The following DIAPH2 variants were observed in gnomAD, a reference collection of about 807,000 sequenced individuals.
DIAPH2 encodes protein diaphanous homolog 2.
A neutral mutation model predicts 92.7 loss-of-function variants in DIAPH2; 35 were observed. The ratio of observed to expected loss-of-function variants is 0.38; its 90% CI spans 0.29 to 0.50. The LOEUF (loss-of-function observed/expected upper bound fraction) is 0.50, where lower values mean the gene tolerates loss of function less well. Ranked by LOEUF, DIAPH2 falls within the 20% of genes least tolerant of loss-of-function variation. DIAPH2 has a pLI of 0.94. For synonymous variants in DIAPH2, 301 were observed against 280.4 expected, an observed-to-expected ratio of 1.07 and a Z score of -0.73; for missense variants, 701 against 819.5, an observed-to-expected ratio of 0.86 and a Z score of 1.77.
chrX:97,291,595 C>T (rs1189362665), intron 23 of DIAPH2, among the ~76,000 whole-genome samples: 1 of 107,495 alleles, frequency 9.3e-6, no homozygotes, highest in Non-Finnish European at 1.9e-5. Flanking sequence ...TGCAGTGGCG[C>T]GTTCTGGGCT....
rs1331364432 is a variant in DIAPH2 at position 97,369,035 on chromosome X, G to A, written c.3010-14874G>A. On this transcript the variant is annotated intron_variant, in intron 24 of 26. Coordinates refer to ENST00000324765, the MANE Select transcript of DIAPH2 (RefSeq NM_006729.5). ...CGATACTCCTGCCTTAGCCTCCCGA[G>A]CAGCTGGGATTACAGGCATGCACAA... Among the ~76,000 whole-genome samples, 9 of 104,769 alleles carry A rather than the reference G, an allele frequency of 8.6e-5. No individual in the cohort carries two copies. In the Admixed American group the frequency reaches 9.8e-4, roughly 11 times the overall value. The allele number at this position is 104,769 out of a possible 115,157, so 91.0% of individuals were successfully genotyped here.
chrX:96,768,325 A>G lies in DIAPH2; in HGVS notation c.447+10067A>G, dbSNP rs367770059. On this transcript the variant is annotated intron_variant, in intron 4 of 26. Coordinates refer to ENST00000324765, the MANE Select transcript of DIAPH2 (RefSeq NM_006729.5). The stretch of plus-strand genomic sequence containing the variant: ...TTGGGAAAGCATTTGTCTCGTCATC[A>G]GAAGAGTCTGAGTTTGAATCCTGAT... Among the ~76,000 whole-genome samples, 16 of 112,156 alleles carry G rather than the reference A, an allele frequency of 1.4e-4. No homozygotes were observed. In the East Asian group the frequency reaches 3.9e-3, roughly 27 times the overall value.
intron 24 of DIAPH2, among the ~76,000 whole-genome samples, chrX:97,373,732 G>A (rs988303953): frequency 2.9e-5 from 3 of 104,074 alleles, no homozygotes; most frequent in Non-Finnish European, 5.8e-5. Flanking sequence ...TCAGCCTCCC[G>A]AACAGCTGGG....
chrX:97,269,511 A>G (rs951308185), intron 23 of DIAPH2, among the ~76,000 whole-genome samples: 7 of 112,017 alleles, frequency 6.2e-5, no homozygotes, highest in Non-Finnish European at 1.3e-4. Context: ...TAAATGTCTT[A>G]CAATAGGAAA....
chrX:97,466,830 G>T (rs2147806715), intron 26 of DIAPH2, among the ~76,000 whole-genome samples: 1 of 112,305 alleles, frequency 8.9e-6, no homozygotes, highest in African/African-American at 3.2e-5. Flanking sequence ...TTGGCATTTA[G>T]AGTCTATCTT....
chrX:96,998,748 G>C, intron 17 of DIAPH2, among the ~76,000 whole-genome samples: 1 of 111,488 alleles, frequency 9.0e-6, no homozygotes. Context: ...AGAGATGCAG[G>C]CTCTGGAGCC....
intron 4 of DIAPH2, among the ~76,000 whole-genome samples, chrX:96,812,320 A>G (rs1056266285): frequency 3.6e-5 from 4 of 112,143 alleles, no homozygotes; most frequent in Non-Finnish European, 7.5e-5. Flanking sequence ...AGGTGTTTAT[A>G]GTATTCTCTG....
At chrX:96,774,583 T>A (rs1208683779) in intron 4 of DIAPH2, among the ~76,000 whole-genome samples, 2 of 111,667 alleles carry the variant, frequency 1.8e-5, no homozygotes, top group Admixed American at 9.6e-5. Flanking sequence ...ACTCAGCAAT[T>A]TAAATGTGAG....
rs2071581829 is a variant in DIAPH2, at chrX:97,599,859, CAGTTG to C, written c.*547_*551del. On this transcript the variant is annotated 3_prime_UTR_variant, in exon 27 of 27. Coordinates refer to ENST00000324765, the MANE Select transcript of DIAPH2 (RefSeq NM_006729.5). ...AATTCACGAAAGTACTGCTCCACCC[CAGTTG>C]AGTTATTTAGAATTTTATCTCAAGT... is the stretch of plus-strand genomic sequence containing the variant. 8.9e-6 allele frequency: 1 copy of C among 112,309 alleles called. No individual in the cohort carries two copies. The highest frequency in any genetic ancestry group is 3.2e-5 in the African/African-American group (1 of 30,849). The allele number at this position is 112,309 out of a possible 1,213,427, so 9.3% of individuals were successfully genotyped here.
At chrX:96,705,386 C>T (rs2063879753) in intron 1 of DIAPH2, among the ~76,000 whole-genome samples, 1 of 111,567 alleles carries the variant, frequency 9.0e-6, no homozygotes, top group South Asian at 3.7e-4. Flanking sequence ...AAGTTTGTGG[C>T]ATAGGTATTT....
chrX:96,714,874 A>G (rs1278076982), intron 1 of DIAPH2, among the ~76,000 whole-genome samples: 4 of 111,853 alleles, frequency 3.6e-5, no homozygotes, highest in African/African-American at 1.3e-4. Flanking sequence ...TTGAAACTTC[A>G]TATCAGAAGA....
intron 23 of DIAPH2, among the ~76,000 whole-genome samples, chrX:97,323,274 G>A (rs1197860785): frequency 3.8e-5 from 4 of 104,006 alleles, no homozygotes; most frequent in Non-Finnish European, 7.9e-5. Flanking sequence ...GTGAGCCACT[G>A]TGCCCGCCCT....
chrX:97,414,632 C>T lies in DIAPH2; in HGVS notation c.3146-15018C>T, dbSNP rs1301899700. On this transcript the variant is annotated intron_variant, in intron 25 of 26. Coordinates refer to ENST00000324765, the MANE Select transcript of DIAPH2 (RefSeq NM_006729.5). Reference sequence around the variant, plus strand: ...TCACGCCACTGTACTCCAGCCTGGGCGACAGAGCAAGACTCTGTCTCAAAA... The same window carrying T: ...TCACGCCACTGTACTCCAGCCTGGGTGACAGAGCAAGACTCTGTCTCAAAA... Among the ~76,000 whole-genome samples the T allele has an allele frequency of 1.1e-4, 10 of 93,725 alleles. No individual in the cohort carries two copies. The East Asian group carries it at 1.6e-3, about 15-fold the overall frequency. The allele number at this position is 93,725 out of a possible 115,157, so 81.4% of individuals were successfully genotyped here.
At chrX:97,039,048 G>A (rs1318431082) in intron 17 of DIAPH2, among the ~76,000 whole-genome samples, 1 of 111,163 alleles carries the variant, frequency 9.0e-6, no homozygotes, top group African/African-American at 3.3e-5. Context: ...AGCCATATGT[G>A]AGTAGCAATC....
chrX:97,129,140 TC>T (rs2067117003), intron 21 of DIAPH2, among the ~76,000 whole-genome samples: 1 of 83,386 alleles, frequency 1.2e-5, no homozygotes, highest in Non-Finnish European at 2.3e-5. Flanking sequence ...TCTTTTCTTT[TC>T]TTTTCTTTCT....
chrX:97,411,640 G>C (rs1479630967), intron 25 of DIAPH2, among the ~76,000 whole-genome samples: 1 of 112,003 alleles, frequency 8.9e-6, no homozygotes, highest in Non-Finnish European at 1.9e-5. Context: ...CCATCAGTGT[G>C]CTATATTCAG....
intron 3 of DIAPH2, among the ~76,000 whole-genome samples, chrX:96,753,488 G>A (rs2064206233): frequency 8.9e-6 from 1 of 111,810 alleles, no homozygotes; most frequent in South Asian, 3.8e-4. Flanking sequence ...GTTACATGAA[G>A]ATAAGTTGAG....
chrX:97,178,631 T>C (rs1467107737), intron 22 of DIAPH2, among the ~76,000 whole-genome samples: 1 of 109,003 alleles, frequency 9.2e-6, no homozygotes, highest in Non-Finnish European at 1.9e-5. Flanking sequence ...TTTTGTATTT[T>C]TAGTAGAGAC....
chrX:97,349,926 T>G (rs149032236), intron 24 of DIAPH2, among the ~76,000 whole-genome samples: 8,513 of 111,819 alleles, frequency 0.076, 421 homozygotes, highest in African/African-American at 0.19. Flanking sequence ...AAAGGAATGA[T>G]GACCAGAAAA....
Sources: allele counts gnomAD v4.1 joint callset (sites outside exome capture counted in the v4.1 genomes callset), GRCh38; gene constraint gnomAD v4.1.1; transcripts MANE v1.5; gene names NCBI Gene and HGNC (gene_info 2026-07-23, HGNC 2026-07-21).